The following ZNF324B variants were observed in gnomAD, a reference collection of about 807,000 sequenced individuals.
ZNF324B encodes zinc finger protein 324B.
A neutral mutation model predicts 10.6 loss-of-function variants in ZNF324B; 7 were observed. The observed-to-expected ratio is 0.66, with a 90% CI of 0.38 to 1.24. The LOEUF (loss-of-function observed/expected upper bound fraction) is 1.24. ZNF324B is among the 50% of genes most tolerant of loss of function. The probability of loss-of-function intolerance (pLI) is 0.02; values close to 1 mark genes in which losing one functional copy is unlikely to be tolerated. For missense variants in ZNF324B, 640 were observed against 764.7 expected (o/e 0.84, Z 1.92); for synonymous variants, 316 against 321.0 (o/e 0.98, Z 0.17).
In ZNF324B at chr19:58,456,868, G is replaced by A. The variant is rs1477038377; in HGVS notation, c.*289G>A. 4 of 526,858 alleles carry A rather than the reference G, an allele frequency of 7.6e-6. No individual in the cohort carries two copies. The highest frequency in any genetic ancestry group is 3.1e-5 in the East Asian group (1 of 32,166). 32.6% of individuals were successfully genotyped at this position (526,858 alleles called of 1,614,324 possible). ...GAGGCTGTAGTTGGGGCCATAGGAC[G>A]CCGACAAAGGCAGCGCTGCATGGTG... On this transcript the variant is annotated 3_prime_UTR_variant, in exon 4 of 4. Coordinates refer to ENST00000336614, the MANE Select transcript of ZNF324B (RefSeq NM_207395.3). The surrounding 1 kb of genome is among the most constrained non-coding windows in gnomAD (Gnocchi z 4.7).
the ZNF324B span, chr19:58,434,032 C>T: frequency 6.2e-7 from 1 of 1,614,154 alleles, no homozygotes; most frequent in East Asian, 2.2e-5. Flanking sequence ...GAGATGGGAG[C>T]TTTGGCTGAA....
upstream of ZNF324B, among the ~76,000 whole-genome samples, chr19:58,447,284 G>C (rs767507729): frequency 6.6e-6 from 1 of 152,178 alleles, no homozygotes; most frequent in Non-Finnish European, 1.5e-5. Context: ...GGCCGACAAT[G>C]CAGGAGCTTA....
chr19:58,445,745 G>C, the ZNF324B span: 1 of 317,636 alleles, frequency 3.1e-6, no homozygotes, highest in Non-Finnish European at 6.1e-6. Context: ...ACCTCAGGGG[G>C]CAGAGGTTGC....
the ZNF324B span, chr19:58,419,067 C>G: frequency 6.6e-6 from 1 of 152,130 alleles, no homozygotes; most frequent in African/African-American, 2.4e-5. Context: ...GAAAATACCT[C>G]TAGTCAAGGT....
chr19:58,452,968 G>A (rs944800065), intron 1 of ZNF324B, among the ~76,000 whole-genome samples: 1 of 151,966 alleles, frequency 6.6e-6, no homozygotes, highest in Non-Finnish European at 1.5e-5. Flanking sequence ...GTGTGGTGGC[G>A]GGAGGCTGAG....
At chr19:58,433,321 A>C in the ZNF324B span, 3 of 1,608,080 alleles carry the variant, frequency 1.9e-6, no homozygotes, top group South Asian at 2.2e-5. Context: ...ATAAGGCTCC[A>C]CTCAGGTATG....
chr19:58,456,354 C>T lies in ZNF324B; in HGVS notation c.1410C>T (p.Ser470=). ...TCGCCAAGGGCGCCGTGCTGCTCAGCCACCGGCGCATTCACACGGGCGAGA... is the reference window on the plus strand; with the variant it reads ...TCGCCAAGGGCGCCGTGCTGCTCAGTCACCGGCGCATTCACACGGGCGAGA... The part of the protein sequence containing the change: ...KGFAKGAVLL[S]HRRIHTGEKP... Residue 470 remains serine (S), a synonymous_variant, in exon 4 of 4, where the codon AGC becomes AGT. Transcript: ENST00000336614. The surrounding 1 kb of genome is among the most constrained non-coding windows in gnomAD (Gnocchi z 4.7). 2 of 1,612,552 alleles carry T rather than the reference C, an allele frequency of 1.2e-6. No homozygotes were observed. The highest frequency in any genetic ancestry group is 8.5e-7 in the Non-Finnish European group (1 of 1,179,888).
chr19:58,429,680 G>A, the ZNF324B span: 3 of 152,344 alleles, frequency 2.0e-5, no homozygotes, highest in African/African-American at 7.2e-5. Flanking sequence ...ACCTTTTCTG[G>A]AAAGCTCCAG....
At chr19:58,449,468 T>C (rs1001701990), upstream of ZNF324B, among the ~76,000 whole-genome samples, 4 of 152,118 alleles carry the variant, frequency 2.6e-5, no homozygotes, top group Admixed American at 2.6e-4. Flanking sequence ...ACCAACAGCT[T>C]GGACCACGCA....
chr19:58,433,205 G>T, the ZNF324B span: 1 of 1,113,454 alleles, frequency 9.0e-7, no homozygotes, highest in East Asian at 2.4e-5. Flanking sequence ...AGTAGCTTCT[G>T]AAGGCTTTTC....
At chr19:58,435,261 G>T in the ZNF324B span, 2 of 1,560,682 alleles carry the variant, frequency 1.3e-6, no homozygotes, top group African/African-American at 1.4e-5. Flanking sequence ...TGGTGGGAAT[G>T]GTTGACTTCA....
chr19:58,456,124 G>T lies in ZNF324B; in HGVS notation c.1180G>T (p.Glu394Ter). Reference protein sequence around the residue: ...LIQHERTHTGEKPFVCALCGA... With the variant: ...LIQHERTHTG ...CCAGCACGAGCGTACGCACACAGGC[G>T]AGAAGCCCTTCGTATGCGCGCTCTG... The change falls in exon 4 of 4, where the codon GAG becomes TAG. Residue 394 changes from glutamate to a stop codon, truncating the protein, a stop_gained. Transcript: ENST00000336614. LOFTEE classifies it low-confidence loss of function (END_TRUNC). This position sits in a 1 kb window ranked among gnomAD's most constrained non-coding sequence, Gnocchi z 4.7. 1.2e-6 allele frequency: 2 copies of T among 1,613,428 alleles called. No individual in the cohort carries two copies. Among genetic ancestry groups the T allele is most frequent in the Non-Finnish European group, 1.7e-6 (2 of 1,179,874 alleles).
At position 58,456,069 on chromosome 19, in the gene ZNF324B, C is replaced by T. The variant is rs758073485; in HGVS notation, c.1125C>T (p.Gly375=). 4.3e-6 allele frequency: 7 copies of T among 1,611,158 alleles called. No individual in the cohort carries two copies. In the East Asian group the frequency reaches 8.9e-5, roughly 21 times the overall value. The stretch of plus-strand genomic sequence containing the variant: ...GTCCTTATGCTTGCGCACAGTGTGG[C>T]CGCCGCTTCTGCCGCAACTCGCACC... ...GGRPYACAQC[G]RRFCRNSHLI... Residue 375 remains glycine (G), a synonymous_variant, in exon 4 of 4, where the codon GGC becomes GGT. Coordinates refer to ENST00000336614, the MANE Select transcript of ZNF324B (RefSeq NM_207395.3). This position sits in a 1 kb window ranked among gnomAD's most constrained non-coding sequence, Gnocchi z 4.7.
intron 2 of ZNF324B, among the ~76,000 whole-genome samples, 167 bp from the exon 3 acceptor site, chr19:58,454,061 C>T (rs1319394980): frequency 6.6e-6 from 1 of 152,258 alleles, no homozygotes; most frequent in Non-Finnish European, 1.5e-5. Flanking sequence ...AGTTGCTGCT[C>T]TGGGGACACA....
At chr19:58,432,428 C>T in the ZNF324B span, 1 of 413,762 alleles carries the variant, frequency 2.4e-6, no homozygotes, top group Admixed American at 2.9e-5. Flanking sequence ...TCCATGATGG[C>T]ATGTGCCCTA....
At chr19:58,419,751 T>C in the ZNF324B span, among the ~76,000 whole-genome samples, 1 of 152,162 alleles carries the variant, frequency 6.6e-6, no homozygotes, top group Non-Finnish European at 1.5e-5. Context: ...TGTCATGGTG[T>C]CAGGGCTTTC....
At chr19:58,435,161 A>G in the ZNF324B span, 2 of 1,614,172 alleles carry the variant, frequency 1.2e-6, no homozygotes, top group East Asian at 4.5e-5. Context: ...ACTTCTACAG[A>G]AACATTCTGC....
the ZNF324B span, chr19:58,434,592 A>G: frequency 6.2e-7 from 1 of 1,614,020 alleles, no homozygotes. Context: ...CCCCAGTGTG[A>G]AACTTTTTAT....
the ZNF324B span, among the ~76,000 whole-genome samples, chr19:58,427,315 CTT>C: frequency 1.2e-5 from 1 of 82,202 alleles, no homozygotes; most frequent in African/African-American, 8.4e-5. Context: ...TTCTTTCTTT[CTT>C]TCTTTCTTTC....
Sources: gnomAD v4.1 joint callset for allele counts (sites outside exome capture counted in the v4.1 genomes callset) on GRCh38, gnomAD v4.1.1 for gene constraint, Gnocchi (gnomAD v3.1) non-coding constraint, MANE v1.5 for transcripts, NCBI Gene and HGNC (gene_info 2026-07-23, HGNC 2026-07-21) for gene names.